WWOX: variants seen among roughly 807,000 people sequenced by gnomAD.
WWOX encodes WW domain-containing oxidoreductase.
A neutral mutation model predicts 46.2 loss-of-function variants in WWOX; 69 were observed. The ratio of observed to expected loss-of-function variants is 1.49; its 90% CI spans 1.23 to 1.82. WWOX has a LOEUF of 1.82. WWOX is among the 40% of genes most tolerant of loss of function. WWOX has a pLI of 0.00. For missense variants in WWOX, 919 were observed against 542.6 expected (o/e 1.69, Z -6.89); for synonymous variants, 359 against 202.6 (o/e 1.77, Z -6.56).
intron 8 of WWOX, among the ~76,000 whole-genome samples, chr16:79,207,402 C>G (rs549653466): frequency 2.0e-5 from 3 of 152,376 alleles, no homozygotes; most frequent in Admixed American, 2.0e-4. Flanking sequence ...CATGGGAACA[C>G]TGCCGTCTTC....
intron 8 of WWOX, among the ~76,000 whole-genome samples, chr16:79,117,853 A>G (rs1053474979): frequency 5.3e-5 from 8 of 152,166 alleles, no homozygotes; most frequent in Non-Finnish European, 8.8e-5. Flanking sequence ...ACACAATTAT[A>G]GAGAGTGAGG....
intron 8 of WWOX, among the ~76,000 whole-genome samples, chr16:78,766,368 G>C (rs376282215): frequency 8.5e-5 from 13 of 152,322 alleles, no homozygotes; most frequent in African/African-American, 2.9e-4. Flanking sequence ...GCTGAGGTGG[G>C]AGAATTGCTT....
intron 8 of WWOX, among the ~76,000 whole-genome samples, chr16:78,531,031 T>C (rs1201554802): frequency 6.6e-6 from 1 of 152,264 alleles, no homozygotes; most frequent in Non-Finnish European, 1.5e-5. Flanking sequence ...CTTTATCACT[T>C]CTCCATTAAC....
At chr16:78,351,845 C>T (rs111868860) in intron 5 of WWOX, among the ~76,000 whole-genome samples, 10,978 of 152,126 alleles carry the variant, frequency 0.072, 1,102 homozygotes, top group African/African-American at 0.23. Flanking sequence ...TTACTCGAGA[C>T]GTAGTTTCAC....
chr16:78,568,722 G>C (rs1326876033), intron 8 of WWOX, among the ~76,000 whole-genome samples: 2 of 152,076 alleles, frequency 1.3e-5, no homozygotes, highest in South Asian at 4.1e-4. Flanking sequence ...TGATCTACCT[G>C]CCTCGGCCTC....
intron 6 of WWOX, among the ~76,000 whole-genome samples, chr16:78,391,347 T>C (rs1038207880): frequency 2.0e-5 from 3 of 152,216 alleles, no homozygotes; most frequent in Non-Finnish European, 4.4e-5. Context: ...ATAAGAGTCC[T>C]GCACACTTAA....
intron 8 of WWOX, among the ~76,000 whole-genome samples, chr16:79,076,739 G>C (rs113636301): frequency 1.5e-3 from 227 of 152,316 alleles, no homozygotes; most frequent in Non-Finnish European, 2.7e-3. Context: ...CGGGTTATTG[G>C]TAACATCTTC....
intron 8 of WWOX, among the ~76,000 whole-genome samples, chr16:78,462,044 T>C (rs970613578): frequency 1.3e-5 from 2 of 152,228 alleles, no homozygotes; most frequent in Non-Finnish European, 2.9e-5. Context: ...TAGTACCTTT[T>C]TACATATGCA....
chr16:78,359,413 A>C (rs13333575), intron 5 of WWOX, among the ~76,000 whole-genome samples: 33,308 of 152,142 alleles, frequency 0.22, 5,226 homozygotes, highest in African/African-American at 0.45. Context: ...TTAACACACT[A>C]ATCATGAGAG....
chr16:78,458,831 G>C (rs1039435577), intron 8 of WWOX, among the ~76,000 whole-genome samples: 1 of 152,054 alleles, frequency 6.6e-6, no homozygotes, highest in African/African-American at 2.4e-5. Context: ...GAATTAGCAT[G>C]TAGAGGTTGG....
At chr16:78,469,666 A>T (rs2084173377) in intron 8 of WWOX, among the ~76,000 whole-genome samples, 1 of 152,190 alleles carries the variant, frequency 6.6e-6, no homozygotes, top group Non-Finnish European at 1.5e-5. Flanking sequence ...ATAGTGGGGA[A>T]TAGTCTATGG....
chr16:78,807,511 T>C (rs1254449441), intron 8 of WWOX, among the ~76,000 whole-genome samples: 1 of 152,220 alleles, frequency 6.6e-6, no homozygotes, highest in Admixed American at 6.5e-5. Flanking sequence ...ATTTTAAATG[T>C]TTTTGCTTCT....
At chr16:79,024,711 A>G (rs551252592) in intron 8 of WWOX, among the ~76,000 whole-genome samples, 33 of 152,244 alleles carry the variant, frequency 2.2e-4, no homozygotes, top group Admixed American at 8.5e-4. Context: ...CTGGGATTAC[A>G]GGCATGAGCC....
intron 5 of WWOX, among the ~76,000 whole-genome samples, chr16:78,367,599 AT>A (rs2081568463): frequency 1.3e-5 from 2 of 152,128 alleles, no homozygotes; most frequent in South Asian, 4.1e-4. Context: ...TAAGTAAAGT[AT>A]TTACGGATGT....
chr16:79,130,695 T>A (rs189921194), intron 8 of WWOX, among the ~76,000 whole-genome samples: 1 of 152,342 alleles, frequency 6.6e-6, no homozygotes, highest in East Asian at 1.9e-4. Flanking sequence ...AATTAGACCC[T>A]AATGAAGTGC....
intron 8 of WWOX, among the ~76,000 whole-genome samples, chr16:78,583,802 C>G (rs2045123487): frequency 6.6e-6 from 1 of 152,216 alleles, no homozygotes; most frequent in Admixed American, 6.5e-5. Context: ...TTTAAATGCT[C>G]TTTCTGAAAG....
intron 8 of WWOX, among the ~76,000 whole-genome samples, chr16:78,569,351 C>G (rs1314699684): frequency 6.6e-6 from 1 of 152,174 alleles, no homozygotes; most frequent in Non-Finnish European, 1.5e-5. Context: ...TTGACATCCA[C>G]ATTTGAGTTG....
At chr16:78,351,731 A>G (rs2081187747) in intron 5 of WWOX, among the ~76,000 whole-genome samples, 1 of 152,124 alleles carries the variant, frequency 6.6e-6, no homozygotes, top group Non-Finnish European at 1.5e-5. Context: ...ATGTTGGCTC[A>G]CTGCAAACCC....
intron 5 of WWOX, among the ~76,000 whole-genome samples, chr16:78,229,474 A>C (rs200745684): frequency 8.3e-5 from 8 of 96,610 alleles, no homozygotes; most frequent in African/African-American, 1.3e-4. Context: ...ATCTCTCTCT[A>C]TATGTATATC....
Sources: allele counts gnomAD v4.1 joint callset (sites outside exome capture counted in the v4.1 genomes callset), GRCh38; gene constraint gnomAD v4.1.1; transcripts MANE v1.5; gene names NCBI Gene and HGNC (gene_info 2026-07-23, HGNC 2026-07-21).